The following JAG1 variants were observed in gnomAD, a reference collection of about 807,000 sequenced individuals.
JAG1 encodes protein jagged-1.
JAG1 carries 23 observed loss-of-function variants against 148.7 expected under a neutral mutation model. That is an observed-to-expected ratio of 0.15 (90% CI 0.11 to 0.22). JAG1 has a LOEUF of 0.22. Among genes scored for constraint, JAG1 ranks in the 10% least tolerant of loss-of-function variants. The pLI is 1.00. For synonymous variants in JAG1, 572 were observed against 598.3 expected (o/e 0.96, Z 0.64); for missense variants, 1,054 against 1,611.2 (o/e 0.65, Z 5.92).
chr20:10,652,817 T>TG (rs1181732815), intron 5 of JAG1: 8 of 472,802 alleles, frequency 1.7e-5, no homozygotes, highest in African/African-American at 9.9e-5. Flanking sequence ...GAGGGCTGTT[T>TG]GGGAAGAGGC....
At position 10,673,405 on chromosome 20, in the gene JAG1, G is replaced by A; in HGVS notation, c.81+45C>T. The A allele has an allele frequency of 7.5e-7, 1 of 1,339,532 alleles. No homozygotes were observed. Among genetic ancestry groups the A allele is most frequent in the East Asian group, 2.8e-5 (1 of 36,096 alleles). The allele number at this position is 1,339,532 out of a possible 1,614,324, so 83.0% of individuals were successfully genotyped here. ...TCAACCGCCCAGGGCGCCGCGAGGG[G>A]AGGGAGAGGACGGCTGGGAGGGAGG... On this transcript the variant is annotated intron_variant, in intron 1 of 25. Coordinates refer to ENST00000254958, the MANE Select transcript of JAG1 (RefSeq NM_000214.3). The surrounding 1 kb of genome is among the most constrained non-coding windows in gnomAD (Gnocchi z 4.7).
At position 10,651,676 on chromosome 20, in the gene JAG1, G is replaced by C; in HGVS notation, c.1025C>G (p.Ser342Cys). ...NCEIAEHACL[S>C]DPCHNRGSCK... ...GCTGCCTCTGTTGTGACAGGGATCA[G>C]AGAGGCAGGCGTGCTCAGCTGCAAA... Residue 342 changes from serine (S) to cysteine (C), a missense_variant, in exon 8 of 26, where the codon TCT becomes TGT. Physicochemically the swap from Ser to Cys is moderately radical, Grantham distance 112. Around this residue, in one of 6 missense-constraint regions of JAG1, gnomAD observed 245 missense variants for 373.1 expected, o/e 0.66. Transcript: ENST00000254958. 1.2e-6 allele frequency: 2 copies of C among 1,613,592 alleles called. No homozygotes were observed. Among genetic ancestry groups the C allele is most frequent in the Non-Finnish European group, 1.7e-6 (2 of 1,179,572 alleles).
At chr20:10,650,213 G>T in intron 9 of JAG1, 34 bp downstream of exon 9, 2 of 1,389,192 alleles carry the variant, frequency 1.4e-6, no homozygotes, top group South Asian at 1.2e-5. Flanking sequence ...AGCCAACCTT[G>T]GTATAAAAAT....
chr20:10,648,521 G>T, intron 12 of JAG1, 28 bp downstream of exon 12: 1 of 1,605,354 alleles, frequency 6.2e-7, no homozygotes, highest in South Asian at 1.1e-5. Flanking sequence ...CTAAAAACTT[G>T]GCCATCTGAG....
intron 3 of JAG1, 88 bp from the exon 4 acceptor site, chr20:10,658,810 A>C (rs1600189119): frequency 7.2e-7 from 1 of 1,381,860 alleles, no homozygotes; most frequent in Admixed American, 1.7e-5. Flanking sequence ...AAACATATGC[A>C]CCTGCTACAA....
chr20:10,647,249 A>G, intron 13 of JAG1, 146 bp from the exon 14 acceptor site: 1 of 834,928 alleles, frequency 1.2e-6, no homozygotes, highest in Non-Finnish European at 2.0e-6. Flanking sequence ...AGATACTGGC[A>G]ACGTGCCACA....
chr20:10,645,045 A>G lies in JAG1; in HGVS notation c.2228-66T>C. 1 of 1,523,746 alleles carries G rather than the reference A, an allele frequency of 6.6e-7. No individual in the cohort carries two copies. Among genetic ancestry groups the G allele is most frequent in the South Asian group, 1.1e-5 (1 of 89,240 alleles). 94.4% of individuals were successfully genotyped at this position (1,523,746 alleles called of 1,614,324 possible). ...CCAGAAACAGTCTGGAGGGGCAAGAACCAGGCCCAGAGAAATATCATAAGC... is the reference window on the plus strand; with the variant it reads ...CCAGAAACAGTCTGGAGGGGCAAGAGCCAGGCCCAGAGAAATATCATAAGC... On this transcript the variant is annotated intron_variant, in intron 17 of 25. Transcript: ENST00000254958. The surrounding 1 kb of genome is among the most constrained non-coding windows in gnomAD (Gnocchi z 6.1).
intron 3 of JAG1, among the ~76,000 whole-genome samples, chr20:10,663,033 CA>C (rs3833513): frequency 0.55 from 83,347 of 151,138 alleles, 23,119 homozygotes; most frequent in East Asian, 0.72. Context: ...TTTCTGTCAG[CA>C]AAAAAAAGCA....
At position 10,651,662 on chromosome 20, in the gene JAG1, T is replaced by G; in HGVS notation, c.1039A>C (p.Asn347His). Residue 347 changes from asparagine (N) to histidine (H), a missense_variant, in exon 8 of 26, where the codon AAC becomes CAC. By Grantham distance (68) the Asn-to-His change is moderately conservative. This residue lies in a region of JAG1 where 245 missense variants were observed against 373.1 expected (regional missense o/e 0.66). Transcript: ENST00000254958. ...GAGGTCTCCTTACAGCTGCCTCTGT[T>G]GTGACAGGGATCAGAGAGGCAGGCG... Reference protein sequence around the residue: ...EHACLSDPCHNRGSCKETSLG... With the variant: ...EHACLSDPCHHRGSCKETSLG... 6.2e-7 allele frequency: 1 copy of G among 1,613,994 alleles called. No individual in the cohort carries two copies. The highest frequency in any genetic ancestry group is 2.2e-5 in the East Asian group (1 of 44,880).
intron 3 of JAG1, 26 bp downstream of exon 3, chr20:10,663,937 G>A: frequency 6.2e-7 from 1 of 1,606,158 alleles, no homozygotes; most frequent in Non-Finnish European, 8.5e-7. Flanking sequence ...TGTGTTTAGA[G>A]AAAAGTCCAC....
intron 19 of JAG1, 68 bp downstream of exon 19, chr20:10,644,289 C>T (rs1671933944): frequency 9.5e-7 from 1 of 1,054,350 alleles, no homozygotes; most frequent in African/African-American, 1.8e-5. Context: ...CACACACACA[C>T]ACACACACAC....
At chr20:10,640,332 T>G (rs1232795944) in intron 25 of JAG1, among the ~76,000 whole-genome samples, 1 of 152,208 alleles carries the variant, frequency 6.6e-6, no homozygotes, top group Non-Finnish European at 1.5e-5. Flanking sequence ...AAACGTGCCA[T>G]GGCTCCATGC....
chr20:10,657,808 C>G (rs528235906), intron 4 of JAG1, among the ~76,000 whole-genome samples: 1 of 152,150 alleles, frequency 6.6e-6, no homozygotes, highest in Non-Finnish European at 1.5e-5. Context: ...CATACCTCTC[C>G]CCATCAAAGC....
intron 19 of JAG1, 147 bp from the exon 20 acceptor site, chr20:10,644,010 G>A: frequency 1.4e-6 from 1 of 728,750 alleles, no homozygotes; most frequent in Admixed American, 2.0e-5. Context: ...ACTGATGCCT[G>A]GGTCCCACCC....
chr20:10,656,899 C>T (rs1005197098), intron 4 of JAG1, among the ~76,000 whole-genome samples: 28 of 147,626 alleles, frequency 1.9e-4, no homozygotes, highest in Non-Finnish European at 3.0e-4. Flanking sequence ...AAAAAAACAA[C>T]CCATACCAAA....
intron 19 of JAG1, among the ~76,000 whole-genome samples, 181 bp downstream of exon 19, chr20:10,644,176 G>A (rs1196707173): frequency 6.6e-6 from 1 of 152,014 alleles, no homozygotes; most frequent in Non-Finnish European, 1.5e-5. Flanking sequence ...GGGGCAGCAG[G>A]ATCGCTTCAC....
chr20:10,662,320 C>T (rs766389231), intron 3 of JAG1: 1 of 152,150 alleles, frequency 6.6e-6, no homozygotes, highest in African/African-American at 2.4e-5. Context: ...TCTGGACAAG[C>T]CCTGGGTTCC....
rs567027490 is a variant in JAG1 at position 10,664,018 on chromosome 20, C to A, written c.388-4G>T. On this transcript the variant is annotated splice_polypyrimidine_tract_variant and splice_region_variant and intron_variant, in intron 2 of 25. Coordinates refer to ENST00000254958, the MANE Select transcript of JAG1 (RefSeq NM_000214.3). ...CCACAAGCAACGTATAGGACCTCTG[C>A]AAGACAAACAAACAATTTAGCAATT... is the stretch of plus-strand genomic sequence containing the variant. 1.9e-6 allele frequency: 3 copies of A among 1,613,064 alleles called. No homozygotes were observed. The highest frequency in any genetic ancestry group is 2.2e-5 in the South Asian group (2 of 91,054).
rs1024248881 is a variant in JAG1 at position 10,649,616 on chromosome 20, G to A, written c.1254C>T (p.Ala418=). 1 of 1,611,756 alleles carries A rather than the reference G, an allele frequency of 6.2e-7. No homozygotes were observed. The highest frequency in any genetic ancestry group is 8.5e-7 in the Non-Finnish European group (1 of 1,177,902). Residue 418 remains alanine (A), a synonymous_variant, in exon 10 of 26, where the codon GCC becomes GCT. Transcript: ENST00000254958. ...TCQLDANECE[A]KPCVNAKSCK... The stretch of plus-strand genomic sequence containing the variant: ...AGGATTTGGCGTTTACACAAGGTTT[G>A]GCCTCACATTCATTTGCATCTGAAA...
Sources: gnomAD v4.1 joint callset for allele counts (sites outside exome capture counted in the v4.1 genomes callset) on GRCh38, gnomAD v4.1.1 for gene constraint, gnomAD v4.1.1 regional missense constraint, Gnocchi (gnomAD v3.1) non-coding constraint, MANE v1.5 for transcripts, NCBI Gene and HGNC (gene_info 2026-07-23, HGNC 2026-07-21) for gene names.